Variants in GNG4 observed in about 807,000 individuals in gnomAD.
The protein encoded by GNG4 is guanine nucleotide-binding protein G(I)/G(S)/G(O) subunit gamma-4.
Under a neutral mutation model 5.8 loss-of-function variants are expected in GNG4, and 4 were observed. The observed-to-expected ratio is 0.69, with a 90% CI of 0.34 to 1.57. The LOEUF is 1.57. Among genes scored for constraint, GNG4 ranks in the 40% most tolerant of loss-of-function variants. GNG4 has a pLI of 0.06. For synonymous variants in GNG4, 29 were observed against 32.9 expected, an observed-to-expected ratio of 0.88 and a Z score of 0.41; for missense variants, 96 against 95.1, an observed-to-expected ratio of 1.01 and a Z score of -0.04.
chr1:235,626,032 C>T (rs1034454137), intron 1 of GNG4, among the ~76,000 whole-genome samples: 5 of 152,164 alleles, frequency 3.3e-5, no homozygotes, highest in Non-Finnish European at 5.9e-5. Flanking sequence ...GTGGCTGTTG[C>T]ATTTTGCATT....
intron 1 of GNG4, among the ~76,000 whole-genome samples, chr1:235,604,982 A>G (rs7555026): frequency 0.22 from 33,354 of 152,100 alleles, 4,370 homozygotes; most frequent in Non-Finnish European, 0.3. Flanking sequence ...AGCAGAATTT[A>G]TAACCTATAC....
intron 2 of GNG4, among the ~76,000 whole-genome samples, chr1:235,585,148 T>TCTTC (rs1185933590): frequency 6.6e-6 from 1 of 151,656 alleles, no homozygotes; most frequent in Non-Finnish European, 1.5e-5. Context: ...CTCCCTCTGG[T>TCTTC]CTTCCTTCCT....
chr1:235,603,081 A>G (rs1402875315), intron 1 of GNG4, among the ~76,000 whole-genome samples: 1 of 152,024 alleles, frequency 6.6e-6, no homozygotes, highest in Non-Finnish European at 1.5e-5. Context: ...TGTCTTTACT[A>G]AAAATACAAA....
intron 2 of GNG4, among the ~76,000 whole-genome samples, chr1:235,594,859 C>G (rs982414327): frequency 1.3e-5 from 2 of 152,228 alleles, no homozygotes; most frequent in African/African-American, 4.8e-5. Context: ...AAGGGCTCCT[C>G]AAGTGCTGCC....
chr1:235,647,587 A>G (rs1657544514), intron 1 of GNG4, among the ~76,000 whole-genome samples: 1 of 152,136 alleles, frequency 6.6e-6, no homozygotes, highest in Non-Finnish European at 1.5e-5. Context: ...TACACATTTT[A>G]CAGTGTTCCT....
chr1:235,583,537 C>T (rs1340311371), intron 3 of GNG4, among the ~76,000 whole-genome samples: 2 of 152,166 alleles, frequency 1.3e-5, no homozygotes, highest in Non-Finnish European at 2.9e-5. Context: ...AATTCATGCA[C>T]ACTGTGTATT....
chr1:235,645,278 C>A (rs1159828779), intron 1 of GNG4, among the ~76,000 whole-genome samples: 1 of 152,200 alleles, frequency 6.6e-6, no homozygotes, highest in African/African-American at 2.4e-5. Context: ...CCCTGCCCTG[C>A]CCTGCCTCCC....
At chr1:235,581,802 TC>T (rs1368973197) in intron 3 of GNG4, among the ~76,000 whole-genome samples, 2 of 152,224 alleles carry the variant, frequency 1.3e-5, no homozygotes, top group African/African-American at 4.8e-5. Flanking sequence ...TTGACTTTCC[TC>T]TTTCTTTTAG....
intron 1 of GNG4, among the ~76,000 whole-genome samples, chr1:235,622,551 TA>T (rs1688731483): frequency 6.6e-6 from 1 of 151,962 alleles, no homozygotes; most frequent in African/African-American, 2.4e-5. Flanking sequence ...CCATCTCTAC[TA>T]AAAATACAAA....
intron 3 of GNG4, among the ~76,000 whole-genome samples, chr1:235,580,370 A>C (rs573211783): frequency 1.1e-4 from 16 of 152,336 alleles, no homozygotes; most frequent in African/African-American, 3.6e-4. Flanking sequence ...GAATGTACCT[A>C]ATACTGATGA....
chr1:235,568,508 TAAAGA>T (rs1687257283), intron 3 of GNG4, among the ~76,000 whole-genome samples: 1 of 152,234 alleles, frequency 6.6e-6, no homozygotes, highest in African/African-American at 2.4e-5. Context: ...ATAAGTTTGC[TAAAGA>T]AAAGCAGCAC....
At chr1:235,638,230 T>C (rs753519534) in intron 1 of GNG4, among the ~76,000 whole-genome samples, 2 of 152,246 alleles carry the variant, frequency 1.3e-5, no homozygotes, top group African/African-American at 2.4e-5. Context: ...TCCTGCTTTC[T>C]TCCCTTCAAA....
chr1:235,605,742 A>G lies in GNG4; in HGVS notation c.-122-10231T>C, dbSNP rs1411098789. On this transcript the variant is annotated intron_variant, in intron 1 of 3. Coordinates refer to ENST00000391854, the MANE Select transcript of GNG4 (RefSeq NM_001098722.2). ...GGTGTTGCAGCATGGGTAAAGACGG[A>G]GCAACTGAGAACCAGCCTGGCACTT... Among the ~76,000 whole-genome samples, 5 of 152,192 alleles carry G rather than the reference A, an allele frequency of 3.3e-5. No homozygotes were observed. The South Asian group carries it at 6.2e-4, about 19-fold the overall frequency.
chr1:235,556,456 G>C (rs1346115214), intron 3 of GNG4, among the ~76,000 whole-genome samples: 1 of 151,602 alleles, frequency 6.6e-6, no homozygotes, highest in Non-Finnish European at 1.5e-5. Flanking sequence ...TACTCGGGAG[G>C]CTGAGGCAGG....
At chr1:235,589,698 C>T (rs74406846) in intron 2 of GNG4, among the ~76,000 whole-genome samples, 6 of 152,218 alleles carry the variant, frequency 3.9e-5, no homozygotes, top group Admixed American at 1.3e-4. Flanking sequence ...TCCTCCCCGA[C>T]GGAGGGACAA....
rs552060594 is a variant in GNG4 at position 235,642,189 on chromosome 1, C to T, written c.-123+7473G>A. On this transcript the variant is annotated intron_variant, in intron 1 of 3. Coordinates refer to ENST00000391854, the MANE Select transcript of GNG4 (RefSeq NM_001098722.2). This position sits in a 1 kb window ranked among gnomAD's most constrained non-coding sequence, Gnocchi z 4.3. ...GAGGCGAACGCAGGGTGGAAGAACC[C>T]GAGCGAGGCCCGGCAGGGGCGGGGT... Among the ~76,000 whole-genome samples, 65 of 152,210 alleles carry T rather than the reference C, an allele frequency of 4.3e-4. No individual in the cohort carries two copies. The highest frequency in any genetic ancestry group is 9.4e-4 in the African/African-American group (39 of 41,454).
rs572960812 is a variant in GNG4, at chr1:235,563,194, G to A, written c.100-10957C>T. Among the ~76,000 whole-genome samples, 5 of 151,982 alleles carry A rather than the reference G, an allele frequency of 3.3e-5. No individual in the cohort carries two copies. In the South Asian group the frequency reaches 6.2e-4, roughly 19 times the overall value. ...TCCCAGCACTTTGGGAGGCTGAGGT[G>A]GGCGGGTCACTTAAGGTCAGGAGTT... is the stretch of plus-strand genomic sequence containing the variant. On this transcript the variant is annotated intron_variant, in intron 3 of 3. Coordinates refer to ENST00000391854, the MANE Select transcript of GNG4 (RefSeq NM_001098722.2).
chr1:235,606,357 G>A (rs372692170), intron 1 of GNG4, among the ~76,000 whole-genome samples: 1 of 152,162 alleles, frequency 6.6e-6, no homozygotes. Flanking sequence ...ACTTCAGCCT[G>A]GGCGACAGAG....
intron 3 of GNG4, among the ~76,000 whole-genome samples, chr1:235,563,449 G>A (rs955712037): frequency 9.3e-5 from 13 of 139,718 alleles, no homozygotes; most frequent in Non-Finnish European, 1.7e-4. Context: ...TATCTTTATA[G>A]CCTTAATATG....
Sources: gnomAD v4.1 joint callset for allele counts (sites outside exome capture counted in the v4.1 genomes callset) on GRCh38, gnomAD v4.1.1 for gene constraint, Gnocchi (gnomAD v3.1) non-coding constraint, MANE v1.5 for transcripts, NCBI Gene and HGNC (gene_info 2026-07-23, HGNC 2026-07-21) for gene names.